NCKAP5: variants seen among roughly 807,000 people sequenced by gnomAD.
NCKAP5 encodes NCK associated protein 5.
In NCKAP5, 92 loss-of-function variants were observed where a neutral mutation model predicts 167.0. The observed-to-expected ratio is 0.55, with a 90% CI of 0.47 to 0.66. The LOEUF (loss-of-function observed/expected upper bound fraction) is 0.66. NCKAP5 is among the 30% of genes least tolerant of loss of function. NCKAP5 has a pLI of 0.00. For missense variants in NCKAP5, 2,378 were observed against 2,315.0 expected, an observed-to-expected ratio of 1.03 and a Z score of -0.56; for synonymous variants, 891 against 877.4, an observed-to-expected ratio of 1.02 and a Z score of -0.27.
At chr2:133,005,472 C>A (rs747946983) in intron 6 of NCKAP5, among the ~76,000 whole-genome samples, 1 of 152,178 alleles carries the variant, frequency 6.6e-6, no homozygotes, top group Non-Finnish European at 1.5e-5. Flanking sequence ...GTCTCATGAG[C>A]TCATCTACTC....
At chr2:133,482,351 G>A (rs539684033) in intron 3 of NCKAP5, among the ~76,000 whole-genome samples, 2 of 151,924 alleles carry the variant, frequency 1.3e-5, no homozygotes, top group African/African-American at 2.4e-5. Context: ...CCGAGTAACT[G>A]GGACTACAGG....
chr2:132,953,534 CA>C (rs2076256105), intron 8 of NCKAP5, among the ~76,000 whole-genome samples: 2 of 151,804 alleles, frequency 1.3e-5, no homozygotes, highest in South Asian at 4.2e-4. Context: ...GTGAGTATCT[CA>C]AGGGCAGAAA....
chr2:133,527,512 C>T lies in NCKAP5; in HGVS notation c.-61-9925G>A, dbSNP rs34543981. Among the ~76,000 whole-genome samples, 310 of 151,294 alleles carry T rather than the reference C, an allele frequency of 2.0e-3. 8 individuals carry two copies. Among genetic ancestry groups the T allele is most frequent in the Admixed American group, 0.019 (287 of 15,140 alleles). ...ACCCACCCACCCCCCAAAATAATCC[C>T]GATGTGAAATGCTAAAAGCCAAATC... On this transcript the variant is annotated intron_variant, in intron 2 of 19. Coordinates refer to ENST00000409261, the MANE Select transcript of NCKAP5 (RefSeq NM_207363.3).
At chr2:133,660,200 T>C in the NCKAP5 span, among the ~76,000 whole-genome samples, 1 of 152,212 alleles carries the variant, frequency 6.6e-6, no homozygotes, top group Non-Finnish European at 1.5e-5. Flanking sequence ...CCTTTTTCCC[T>C]TCAGTCAAAA....
At chr2:132,693,263 T>C (rs1686960839) in intron 19 of NCKAP5, among the ~76,000 whole-genome samples, 1 of 152,170 alleles carries the variant, frequency 6.6e-6, no homozygotes, top group East Asian at 1.9e-4. Context: ...GTGACTTTAT[T>C]TGGAAATAGG....
chr2:133,095,040 G>T (rs945468889), intron 6 of NCKAP5, among the ~76,000 whole-genome samples: 1 of 152,082 alleles, frequency 6.6e-6, no homozygotes, highest in African/African-American at 2.4e-5. Context: ...ACCAAGCCTG[G>T]CTGGCACCTT....
chr2:133,472,012 A>G (rs766795396), intron 3 of NCKAP5, among the ~76,000 whole-genome samples: 6 of 152,186 alleles, frequency 3.9e-5, no homozygotes, highest in Non-Finnish European at 7.3e-5. Context: ...TCTAGAAGCA[A>G]TTGTTATAGA....
intron 6 of NCKAP5, among the ~76,000 whole-genome samples, chr2:133,103,585 G>C (rs2081587297): frequency 6.6e-6 from 1 of 152,128 alleles, no homozygotes; most frequent in Admixed American, 6.6e-5. Flanking sequence ...CTTGAGGCCA[G>C]GAGATCCAAA....
intron 4 of NCKAP5, among the ~76,000 whole-genome samples, chr2:133,234,957 A>G (rs2087328794): frequency 6.9e-6 from 1 of 145,318 alleles, no homozygotes; most frequent in African/African-American, 2.5e-5. Context: ...AGAAATTCTT[A>G]AGGCCAGTTA....
chr2:133,309,734 A>C (rs1266706769), intron 3 of NCKAP5, among the ~76,000 whole-genome samples: 1 of 152,218 alleles, frequency 6.6e-6, no homozygotes, highest in Non-Finnish European at 1.5e-5. Flanking sequence ...AGCCCATTTA[A>C]TGTGAATCTC....
rs1684549559 is a variant in NCKAP5 at position 132,795,834 on chromosome 2, AAAAAC to A, written c.909+789_909+793del. On this transcript the variant is annotated intron_variant, in intron 12 of 19. Transcript: ENST00000409261. ...ACCCCGTATCAGAAAAAAAAAAAAA[AAAAAC>A]AAAAAAAACAAAAGAGAATGAAGCC... Among the ~76,000 whole-genome samples the A allele has an allele frequency of 2.7e-5, 4 of 149,210 alleles. No individual in the cohort carries two copies. In the South Asian group the frequency reaches 8.5e-4, roughly 32 times the overall value.
the NCKAP5 span, among the ~76,000 whole-genome samples, chr2:133,597,527 G>A: frequency 6.6e-6 from 1 of 151,908 alleles, no homozygotes; most frequent in African/African-American, 2.4e-5. Context: ...AAATTAGCTG[G>A]GTGTGGAGGC....
chr2:132,960,803 A>T (rs1573557197), intron 8 of NCKAP5, among the ~76,000 whole-genome samples: 1 of 152,084 alleles, frequency 6.6e-6, no homozygotes, highest in African/African-American at 2.4e-5. Flanking sequence ...CATTTTCCAC[A>T]CCTTCTTAGA....
At chr2:133,221,668 A>T (rs969963140) in intron 4 of NCKAP5, among the ~76,000 whole-genome samples, 2 of 152,228 alleles carry the variant, frequency 1.3e-5, no homozygotes, top group Non-Finnish European at 2.9e-5. Context: ...ATTTTAAAAC[A>T]TGGTAGGTGG....
At chr2:133,619,595 C>T in the NCKAP5 span, among the ~76,000 whole-genome samples, 29 of 151,922 alleles carry the variant, frequency 1.9e-4, no homozygotes, top group South Asian at 5.2e-3. Flanking sequence ...GGGACTTTGT[C>T]TAAACCTAAG....
At chr2:133,404,827 G>T (rs544236860) in intron 3 of NCKAP5, among the ~76,000 whole-genome samples, 22 of 152,132 alleles carry the variant, frequency 1.4e-4, no homozygotes, top group Non-Finnish European at 2.6e-4. Flanking sequence ...GCTGTCTTCC[G>T]CTCTTTAGCC....
intron 6 of NCKAP5, among the ~76,000 whole-genome samples, chr2:133,111,649 T>C (rs988808561): frequency 2.0e-5 from 3 of 152,128 alleles, no homozygotes; most frequent in African/African-American, 7.2e-5. Context: ...AACAAGAACA[T>C]TCTCTGTCAT....
intron 6 of NCKAP5, among the ~76,000 whole-genome samples, chr2:133,070,725 G>T (rs1439621523): frequency 6.6e-6 from 1 of 152,040 alleles, no homozygotes; most frequent in Non-Finnish European, 1.5e-5. Flanking sequence ...CAGATAGTAG[G>T]GTAGACTATA....
intron 3 of NCKAP5, among the ~76,000 whole-genome samples, chr2:133,436,936 T>A (rs1278791970): frequency 1.3e-5 from 2 of 152,158 alleles, no homozygotes; most frequent in African/African-American, 4.8e-5. Context: ...CTACCATAGA[T>A]GATAAATTGC....
Sources: gnomAD v4.1 joint callset for allele counts (sites outside exome capture counted in the v4.1 genomes callset) on GRCh38, gnomAD v4.1.1 for gene constraint, MANE v1.5 for transcripts, NCBI Gene and HGNC (gene_info 2026-07-23, HGNC 2026-07-21) for gene names.